The following PTBP3 variants were observed in gnomAD, a reference collection of about 807,000 sequenced individuals.
The protein encoded by PTBP3 is polypyrimidine tract-binding protein 3.
PTBP3 carries 20 observed loss-of-function variants against 58.7 expected under a neutral mutation model. That is an observed-to-expected ratio of 0.34 (90% CI 0.24 to 0.50). PTBP3 has a LOEUF of 0.50. Ranked by LOEUF, PTBP3 falls within the 20% of genes least tolerant of loss-of-function variation. PTBP3 has a pLI of 0.98. For synonymous variants in PTBP3, 185 were observed against 219.8 expected (o/e 0.84, Z 1.40); for missense variants, 509 against 637.2 (o/e 0.80, Z 2.17).
chr9:112,252,104 C>T (rs1471163353), intron 6 of PTBP3, among the ~76,000 whole-genome samples: 1 of 151,682 alleles, frequency 6.6e-6, no homozygotes, highest in Admixed American at 6.6e-5. Flanking sequence ...AATAGGTTTT[C>T]GTGTACTAAA....
chr9:112,270,965 T>A (rs746495354), intron 3 of PTBP3, among the ~76,000 whole-genome samples: 2 of 152,046 alleles, frequency 1.3e-5, no homozygotes, highest in African/African-American at 2.4e-5. Flanking sequence ...TAGCTGGGAT[T>A]ACAGGTGCAC....
chr9:112,276,033 T>C lies in PTBP3; in HGVS notation c.35-20A>G. 3 of 1,595,398 alleles carry C rather than the reference T, an allele frequency of 1.9e-6. No homozygotes were observed. Among genetic ancestry groups the C allele is most frequent in the Non-Finnish European group, 2.6e-6 (3 of 1,164,194 alleles). On this transcript the variant is annotated intron_variant, in intron 2 of 13. Coordinates refer to ENST00000374257, the MANE Select transcript of PTBP3 (RefSeq NM_001163788.4). ...CATTAGCTAAAAAACATAAGATTCTTTTTTAAATTACTGCAACTAATTTGG... is the reference window on the plus strand; with the variant it reads ...CATTAGCTAAAAAACATAAGATTCTCTTTTAAATTACTGCAACTAATTTGG...
chr9:112,250,789 C>A lies in PTBP3; in HGVS notation c.802+140G>T, dbSNP rs540931239. Reference sequence around the variant, plus strand: ...TATTAATATTTAATTAATGGGTATACTTTGTTCTAGGATTCTTGCTTTCCT... The same window carrying A: ...TATTAATATTTAATTAATGGGTATAATTTGTTCTAGGATTCTTGCTTTCCT... On this transcript the variant is annotated intron_variant, in intron 7 of 13. Coordinates refer to ENST00000374257, the MANE Select transcript of PTBP3 (RefSeq NM_001163788.4). 1.4e-5 allele frequency: 11 copies of A among 781,708 alleles called. No individual in the cohort carries two copies. The South Asian group carries it at 4.3e-4, about 31-fold the overall frequency. 48.4% of individuals were successfully genotyped at this position (781,708 alleles called of 1,614,324 possible).
intron 1 of PTBP3, among the ~76,000 whole-genome samples, chr9:112,313,752 T>C (rs1829583778): frequency 6.6e-6 from 1 of 152,234 alleles, no homozygotes; most frequent in South Asian, 2.1e-4. Context: ...GCTAATCCTT[T>C]TAAGTAGATT....
Position 112,232,123 on chromosome 9 carries a change from T to G in PTBP3, c.996A>C (p.Leu332=). The G allele has an allele frequency of 6.2e-7, 1 of 1,612,568 alleles. No homozygotes were observed. Among genetic ancestry groups the G allele is most frequent in the Non-Finnish European group, 8.5e-7 (1 of 1,179,542 alleles). The change falls in exon 9 of 14, where the codon CTA becomes CTC. Residue 332 remains leucine (L), a synonymous_variant. Coordinates refer to ENST00000374257, the MANE Select transcript of PTBP3 (RefSeq NM_001163788.4). ...GASGIPGNSV[L]LVTNLNPDLI... ...CATCAGGATTGAGATTTGTGACGAG[T>G]AGAACAGAATTTCCTGGTATACCAC...
At chr9:112,367,858 C>T in the PTBP3 span, among the ~76,000 whole-genome samples, 79 of 152,146 alleles carry the variant, frequency 5.2e-4, no homozygotes, top group African/African-American at 1.8e-3. Context: ...AGTTTTCTGT[C>T]ATTGTTTCTT....
intron 2 of PTBP3, among the ~76,000 whole-genome samples, chr9:112,294,196 G>A (rs372662993): frequency 1.4e-4 from 21 of 152,248 alleles, no homozygotes; most frequent in South Asian, 6.2e-4. Context: ...GGAAGGAACC[G>A]ATTAAAGTAT....
chr9:112,219,166 G>A lies in PTBP3; in HGVS notation c.*4685C>T, dbSNP rs1268315012. The A allele has an allele frequency of 6.6e-6, 1 of 152,590 alleles. No homozygotes were observed. Among genetic ancestry groups the A allele is most frequent in the Non-Finnish European group, 1.5e-5 (1 of 68,040 alleles). 9.5% of individuals were successfully genotyped at this position (152,590 alleles called of 1,614,324 possible). On this transcript the variant is annotated 3_prime_UTR_variant, in exon 14 of 14. Coordinates refer to ENST00000374257, the MANE Select transcript of PTBP3 (RefSeq NM_001163788.4). ...ACAGAGAGGAGTTAAAACCACAACAGTCAGTCTTTGGTCAGAGCAATGAGG... is the reference window on the plus strand; with the variant it reads ...ACAGAGAGGAGTTAAAACCACAACAATCAGTCTTTGGTCAGAGCAATGAGG...
At chr9:112,245,075 G>A (rs572647009) in intron 7 of PTBP3, among the ~76,000 whole-genome samples, 3 of 152,264 alleles carry the variant, frequency 2.0e-5, no homozygotes, top group African/African-American at 7.2e-5. Context: ...TTGGGAGGCC[G>A]AGGCGGGCAG....
chr9:112,233,319 C>A (rs1246938759), intron 8 of PTBP3, among the ~76,000 whole-genome samples: 1 of 141,702 alleles, frequency 7.1e-6, no homozygotes, highest in Non-Finnish European at 1.5e-5. Flanking sequence ...GTGTGTGTAT[C>A]TTCTATCAGC....
chr9:112,379,729 C>T, the PTBP3 span, among the ~76,000 whole-genome samples: 2 of 152,370 alleles, frequency 1.3e-5, no homozygotes, highest in Non-Finnish European at 2.9e-5. Flanking sequence ...AGGGCCCAAG[C>T]TCAGGGCTCA....
At position 112,246,510 on chromosome 9, in the gene PTBP3, C is replaced by T. The variant is rs145217146; in HGVS notation, c.802+4419G>A. Among the ~76,000 whole-genome samples the T allele has an allele frequency of 7.6e-3, 1,156 of 151,524 alleles. 6 individuals carry two copies. Among genetic ancestry groups the T allele is most frequent in the Middle Eastern group, 0.02 (6 of 294 alleles). On this transcript the variant is annotated intron_variant, in intron 7 of 13. Transcript: ENST00000374257. ...GAGATTGAGACCATCCTGGCTAACA[C>T]GGTGAAAGTCCATCCTACTAAAAAT...
In PTBP3 at chr9:112,234,867, G is replaced by A. The variant is rs775346034; in HGVS notation, c.833C>T (p.Ala278Val). Residue 278 changes from alanine (A) to valine (V), a missense_variant, in exon 8 of 14, where the codon GCA becomes GTA. Coordinates refer to ENST00000374257, the MANE Select transcript of PTBP3 (RefSeq NM_001163788.4). ...GGCTGGGGCAAATCCAGCAGCCCCT[G>A]CATATGGTGAAGAAATTATACCCGG... Reference protein sequence around the residue: ...GAPGIISSPYAGAAGFAPAIG... With the variant: ...GAPGIISSPYVGAAGFAPAIG... 1.2e-5 allele frequency: 19 copies of A among 1,612,896 alleles called. No homozygotes were observed. The highest frequency in any genetic ancestry group is 1.7e-4 in the Middle Eastern group (1 of 6,052).
At position 112,262,642 on chromosome 9, in the gene PTBP3, C is replaced by T. The variant is rs1836646643; in HGVS notation, c.352-43G>A. On this transcript the variant is annotated intron_variant, in intron 4 of 13. Coordinates refer to ENST00000374257, the MANE Select transcript of PTBP3 (RefSeq NM_001163788.4). ...ATGAGAACTTTTGATTATACAGACG[C>T]ATTATATGAATCCTAAAATTTAGTT... 3 of 1,487,158 alleles carry T rather than the reference C, an allele frequency of 2.0e-6. No individual in the cohort carries two copies. The East Asian group carries it at 7.4e-5, about 37-fold the overall frequency. The allele number at this position is 1,487,158 out of a possible 1,614,324, so 92.1% of individuals were successfully genotyped here. A position where few individuals can be genotyped will look rare whatever the true frequency, so the allele number is the denominator to read the frequency against.
At chr9:112,240,212 T>C (rs1835601074) in intron 7 of PTBP3, among the ~76,000 whole-genome samples, 1 of 152,162 alleles carries the variant, frequency 6.6e-6, no homozygotes, top group African/African-American at 2.4e-5. Flanking sequence ...TAGTCAGCAT[T>C]AGAGTAAAAT....
chr9:112,307,054 A>C (rs956357015), intron 1 of PTBP3, among the ~76,000 whole-genome samples: 1 of 152,256 alleles, frequency 6.6e-6, no homozygotes, highest in African/African-American at 2.4e-5. Flanking sequence ...TTTGAAAAGA[A>C]TAAAACATGC....
chr9:112,302,985 G>A (rs748970707), intron 1 of PTBP3, among the ~76,000 whole-genome samples: 3 of 151,866 alleles, frequency 2.0e-5, no homozygotes, highest in Non-Finnish European at 4.4e-5. Flanking sequence ...TTTCTCATTC[G>A]ATAAACTGTT....
intron 4 of PTBP3, among the ~76,000 whole-genome samples, chr9:112,266,796 C>T (rs1302056723): frequency 6.6e-6 from 1 of 152,154 alleles, no homozygotes; most frequent in East Asian, 1.9e-4. Flanking sequence ...TTAGTTATCT[C>T]TGGGTAACTG....
At chr9:112,330,457 AT>A in intron 1 of PTBP3, 1 of 1,529,340 alleles carries the variant, frequency 6.5e-7, no homozygotes, top group Non-Finnish European at 8.9e-7. Flanking sequence ...ACCGACTGTT[AT>A]AAGATCTGTA....
Sources: allele counts gnomAD v4.1 joint callset (sites outside exome capture counted in the v4.1 genomes callset), GRCh38; gene constraint gnomAD v4.1.1; transcripts MANE v1.5; gene names NCBI Gene and HGNC (gene_info 2026-07-23, HGNC 2026-07-21).